SMYD3: variants seen among roughly 807,000 people sequenced by gnomAD.
SMYD3 encodes histone-lysine N-methyltransferase SMYD3.
SMYD3 carries 36 observed loss-of-function variants against 57.7 expected under a neutral mutation model. The observed-to-expected ratio is 0.62, with a 90% CI of 0.48 to 0.82. The LOEUF (loss-of-function observed/expected upper bound fraction) is 0.82. SMYD3 is among the 40% of genes least tolerant of loss of function. The pLI is 0.00. For synonymous variants in SMYD3, 211 were observed against 195.0 expected, an observed-to-expected ratio of 1.08 and a Z score of -0.68; for missense variants, 515 against 538.8, an observed-to-expected ratio of 0.96 and a Z score of 0.44.
intron 2 of SMYD3, among the ~76,000 whole-genome samples, chr1:246,341,840 G>C (rs1373628050): frequency 6.6e-6 from 1 of 152,096 alleles, no homozygotes; most frequent in Non-Finnish European, 1.5e-5. Context: ...ATCCATTTTA[G>C]GGTAGCTCAT....
At chr1:246,023,844 T>TGTGTGTGTGTGTGTGTGTGTGTGTG (rs1558159569) in intron 5 of SMYD3, among the ~76,000 whole-genome samples, 2 of 151,360 alleles carry the variant, frequency 1.3e-5, no homozygotes, top group African/African-American at 2.4e-5. Flanking sequence ...TGTGTGTGTG[T>TGTGTGTGTGTGTGTGTGTGTGTGTG]TACTGAAAAA....
chr1:245,999,227 TA>T (rs976730595), intron 5 of SMYD3, among the ~76,000 whole-genome samples: 62 of 144,712 alleles, frequency 4.3e-4, no homozygotes, highest in Non-Finnish European at 6.9e-4. Flanking sequence ...AAGGTGGAAA[TA>T]AAAAAAAAAT....
At chr1:246,327,425 G>C in intron 4 of SMYD3, 88 bp from the exon 5 acceptor site, 1 of 1,135,978 alleles carries the variant, frequency 8.8e-7, no homozygotes, top group South Asian at 1.5e-5. Flanking sequence ...TGTTAAACCA[G>C]ATATTTCCTA....
chr1:246,174,035 C>T (rs891879172), intron 5 of SMYD3, among the ~76,000 whole-genome samples: 3 of 152,100 alleles, frequency 2.0e-5, no homozygotes, highest in African/African-American at 7.2e-5. Flanking sequence ...GTCTCAAACT[C>T]CTTATGTCAA....
chr1:245,869,314 T>C (rs2052044523), intron 8 of SMYD3, among the ~76,000 whole-genome samples: 1 of 152,230 alleles, frequency 6.6e-6, no homozygotes, highest in African/African-American at 2.4e-5. Context: ...ATCGAGAGAA[T>C]GAAGAACCTG....
Position 246,203,171 on chromosome 1 carries a change from C to T in SMYD3, c.531+124030G>A, listed in dbSNP as rs1408784138. ...TAAAGGCTGGAGACTTAAGAACTTTCTCCAGTTTCCTTCCCTGGTCCACAG... is the reference window on the plus strand; with the variant it reads ...TAAAGGCTGGAGACTTAAGAACTTTTTCCAGTTTCCTTCCCTGGTCCACAG... On this transcript the variant is annotated intron_variant, in intron 5 of 11. Coordinates refer to ENST00000490107, the MANE Select transcript of SMYD3 (RefSeq NM_001167740.2). This position sits in a 1 kb window ranked among gnomAD's most constrained non-coding sequence, Gnocchi z 4.6. 6.6e-6 allele frequency among the ~76,000 whole-genome samples: 1 copy of T among 152,150 alleles called. No homozygotes were observed. The highest frequency in any genetic ancestry group is 1.9e-4 in the East Asian group (1 of 5,202).
At chr1:246,307,532 G>C (rs1232417039) in intron 5 of SMYD3, among the ~76,000 whole-genome samples, 1 of 146,998 alleles carries the variant, frequency 6.8e-6, no homozygotes, top group African/African-American at 2.5e-5. Context: ...CCATTCTCCT[G>C]CCTCAGCCTC....
chr1:246,479,583 T>C (rs1357846302), intron 1 of SMYD3, among the ~76,000 whole-genome samples: 1 of 146,978 alleles, frequency 6.8e-6, no homozygotes, highest in African/African-American at 2.5e-5. Context: ...TCTCAGCTCA[T>C]TGCAACCTCT....
intron 5 of SMYD3, among the ~76,000 whole-genome samples, chr1:246,080,689 C>A (rs564279023): frequency 6.6e-6 from 1 of 152,330 alleles, no homozygotes; most frequent in South Asian, 2.1e-4. Context: ...CCTTACTACA[C>A]CTTAGTGTCC....
chr1:245,868,492 G>T (rs2052002106), intron 8 of SMYD3, among the ~76,000 whole-genome samples: 1 of 152,112 alleles, frequency 6.6e-6, no homozygotes. Flanking sequence ...CTTCTATCAA[G>T]CAGGGTGAGA....
At chr1:246,120,124 T>A (rs2061402938) in intron 5 of SMYD3, among the ~76,000 whole-genome samples, 1 of 152,178 alleles carries the variant, frequency 6.6e-6, no homozygotes, top group African/African-American at 2.4e-5. Context: ...CGCCTGTTTG[T>A]TCACATTCTT....
chr1:246,402,138 A>AT (rs2066780226), intron 1 of SMYD3, among the ~76,000 whole-genome samples: 1 of 152,178 alleles, frequency 6.6e-6, no homozygotes, highest in South Asian at 2.1e-4. Context: ...ATGGCAAAAG[A>AT]CAGAGTTGTG....
At chr1:246,477,318 T>C (rs543180046) in intron 1 of SMYD3, among the ~76,000 whole-genome samples, 1 of 152,340 alleles carries the variant, frequency 6.6e-6, no homozygotes, top group Non-Finnish European at 1.5e-5. Flanking sequence ...TGATACCTAA[T>C]TACTATAATA....
At chr1:245,930,136 AAGTGCAGAAAT>A (rs1434006573) in intron 5 of SMYD3, 199 bp from the exon 6 acceptor site, 2 of 610,844 alleles carry the variant, frequency 3.3e-6, no homozygotes, top group African/African-American at 3.7e-5. Flanking sequence ...TCAGGTGGTT[AAGTGCAGAAAT>A]ACCAACCTCC....
intron 5 of SMYD3, among the ~76,000 whole-genome samples, chr1:246,182,297 C>G (rs2062565805): frequency 6.6e-6 from 1 of 152,138 alleles, no homozygotes; most frequent in Admixed American, 6.6e-5. Flanking sequence ...CTCCTATTAC[C>G]TCAGCCTTCA....
intron 1 of SMYD3, among the ~76,000 whole-genome samples, chr1:246,371,317 G>A (rs961186732): frequency 6.6e-6 from 1 of 152,178 alleles, no homozygotes; most frequent in Non-Finnish European, 1.5e-5. Flanking sequence ...ACAGTGAGTA[G>A]ACTGGAGAAA....
At chr1:246,400,487 G>A (rs142469053) in intron 1 of SMYD3, among the ~76,000 whole-genome samples, 29 of 152,220 alleles carry the variant, frequency 1.9e-4, no homozygotes, top group Admixed American at 4.6e-4. Flanking sequence ...CCTCCCGCCC[G>A]AGCCTCCCAA....
chr1:245,954,307 A>G (rs971962607), intron 5 of SMYD3, among the ~76,000 whole-genome samples: 1 of 152,236 alleles, frequency 6.6e-6, no homozygotes. Context: ...TACCAATAAA[A>G]TTGCAGATCA....
At chr1:246,436,782 T>C (rs999504042) in intron 1 of SMYD3, among the ~76,000 whole-genome samples, 7 of 152,254 alleles carry the variant, frequency 4.6e-5, no homozygotes, top group African/African-American at 1.4e-4. Context: ...TTTCCCCAGG[T>C]GTAAAGGGTT....
Sources: allele counts gnomAD v4.1 joint callset (sites outside exome capture counted in the v4.1 genomes callset), GRCh38; gene constraint gnomAD v4.1.1; non-coding constraint Gnocchi (gnomAD v3.1); transcripts MANE v1.5; gene names NCBI Gene and HGNC (gene_info 2026-07-23, HGNC 2026-07-21).